The following RAPGEF5 variants were observed in gnomAD, a reference collection of about 807,000 sequenced individuals.
RAPGEF5 encodes the protein M-Ras-regulated GEF.
A neutral mutation model predicts 125.2 loss-of-function variants in RAPGEF5; 65 were observed. The ratio of observed to expected loss-of-function variants is 0.52; its 90% CI spans 0.43 to 0.64. The LOEUF (loss-of-function observed/expected upper bound fraction) is 0.64. RAPGEF5 is among the 30% of genes least tolerant of loss of function. The probability of loss-of-function intolerance (pLI) is 0.00; values close to 1 mark genes in which losing one functional copy is unlikely to be tolerated. For synonymous variants in RAPGEF5, 391 were observed against 385.9 expected (o/e 1.01, Z -0.16); for missense variants, 958 against 1,048.1 (o/e 0.91, Z 1.19).
chr7:22,205,529 T>C lies in RAPGEF5; in HGVS notation c.997-11496A>G, dbSNP rs1785378563. 3.3e-5 allele frequency among the ~76,000 whole-genome samples: 5 copies of C among 152,268 alleles called. 1 individual carries two copies. The South Asian group carries it at 1.0e-3, about 32-fold the overall frequency. ...TGGGGATAAAAGTTCAAATAAAATA[T>C]AGGCATGCTCTCAAAGAGTAAATTC... On this transcript the variant is annotated intron_variant, in intron 9 of 25. Coordinates refer to ENST00000665637, the MANE Select transcript of RAPGEF5 (RefSeq NM_012294.5).
chr7:22,350,007 T>C (rs1343949397), intron 1 of RAPGEF5, among the ~76,000 whole-genome samples: 1 of 152,240 alleles, frequency 6.6e-6, no homozygotes, highest in African/African-American at 2.4e-5. Flanking sequence ...TTTACCATAA[T>C]AATGATTTGC....
chr7:22,216,596 A>C (rs551205576), intron 9 of RAPGEF5, among the ~76,000 whole-genome samples: 57 of 152,330 alleles, frequency 3.7e-4, no homozygotes, highest in Admixed American at 2.4e-3. Flanking sequence ...CAATGCCTAC[A>C]TCAGAGATAA....
intron 7 of RAPGEF5, among the ~76,000 whole-genome samples, chr7:22,259,821 A>G (rs1335264603): frequency 1.3e-5 from 2 of 152,218 alleles, no homozygotes; most frequent in African/African-American, 4.8e-5. Context: ...GGTTGTCTCG[A>G]ACTCCTGACC....
intron 6 of RAPGEF5, among the ~76,000 whole-genome samples, chr7:22,275,812 T>A (rs1298252724): frequency 6.6e-6 from 1 of 152,134 alleles, no homozygotes; most frequent in Non-Finnish European, 1.5e-5. Context: ...CTCACAGAAA[T>A]AGAGGTGGTA....
intron 17 of RAPGEF5, among the ~76,000 whole-genome samples, chr7:22,151,146 T>C (rs1030491817): frequency 6.6e-6 from 1 of 152,206 alleles, no homozygotes; most frequent in Admixed American, 6.5e-5. Flanking sequence ...GATGGCATGA[T>C]GTGTGCTAAG....
chr7:22,210,507 A>C (rs1006232274), intron 9 of RAPGEF5, among the ~76,000 whole-genome samples: 2 of 152,154 alleles, frequency 1.3e-5, no homozygotes, highest in Non-Finnish European at 2.9e-5. Context: ...GATATGCTTT[A>C]TGACTCATTA....
chr7:22,247,099 G>A (rs1180312118), intron 7 of RAPGEF5, among the ~76,000 whole-genome samples: 2 of 152,230 alleles, frequency 1.3e-5, no homozygotes, highest in African/African-American at 4.8e-5. Flanking sequence ...CAAGACTGCA[G>A]AGAAAAGGGA....
At chr7:22,343,391 T>C (rs1217763696) in intron 1 of RAPGEF5, among the ~76,000 whole-genome samples, 2 of 152,296 alleles carry the variant, frequency 1.3e-5, no homozygotes, top group Admixed American at 6.5e-5. Flanking sequence ...TTTTTCCTCA[T>C]AGAGAATTTT....
intron 24 of RAPGEF5, among the ~76,000 whole-genome samples, chr7:22,127,314 C>T (rs1016535929): frequency 3.9e-5 from 6 of 152,164 alleles, no homozygotes; most frequent in Non-Finnish European, 8.8e-5. Context: ...GCTGGGATTA[C>T]AGGCATCAGC....
At chr7:22,165,470 T>C (rs1784133743) in intron 12 of RAPGEF5, among the ~76,000 whole-genome samples, 2 of 152,308 alleles carry the variant, frequency 1.3e-5, no homozygotes. Flanking sequence ...GTTCAAAATC[T>C]TATCGCTATT....
At chr7:22,136,592 A>G (rs1783085361) in intron 22 of RAPGEF5, among the ~76,000 whole-genome samples, 2 of 152,176 alleles carry the variant, frequency 1.3e-5, no homozygotes, top group African/African-American at 2.4e-5. Flanking sequence ...AATTGTAAAA[A>G]GGAGAAAAGG....
At chr7:22,242,392 G>A (rs1459301889) in intron 7 of RAPGEF5, among the ~76,000 whole-genome samples, 1 of 152,178 alleles carries the variant, frequency 6.6e-6, no homozygotes, top group East Asian at 1.9e-4. Context: ...CCTTACAAAA[G>A]GCAAAGGTCT....
In RAPGEF5 at chr7:22,356,948, G is replaced by A. The variant is rs981512693; in HGVS notation, c.113C>T (p.Ala38Val). 4 of 1,050,734 alleles carry A rather than the reference G, an allele frequency of 3.8e-6. No individual in the cohort carries two copies. Among genetic ancestry groups the A allele is most frequent in the East Asian group, 7.6e-5 (1 of 13,154 alleles). 65.1% of individuals were successfully genotyped at this position (1,050,734 alleles called of 1,614,324 possible). A position where few individuals can be genotyped will look rare whatever the true frequency, so the allele number is the denominator to read the frequency against. Residue 38 changes from alanine to valine, a missense_variant, in exon 1 of 26, where the codon GCC becomes GTC. Coordinates refer to ENST00000665637, the MANE Select transcript of RAPGEF5 (RefSeq NM_012294.5). ...CGGCTGCTCGCGCTCGGGCTCCCGG[G>A]CGCTGGGGCTGCGGCGCAGGGGGCC... is the stretch of plus-strand genomic sequence containing the variant. ...ADGPLRRSPSAREPEREQPPA... is the reference protein window; with the variant it reads ...ADGPLRRSPSVREPEREQPPA...
chr7:22,175,767 C>T (rs1448864573), intron 11 of RAPGEF5, among the ~76,000 whole-genome samples: 1 of 152,068 alleles, frequency 6.6e-6, no homozygotes, highest in Non-Finnish European at 1.5e-5. Context: ...AAATTAGAAG[C>T]CTGAGATATG....
intron 9 of RAPGEF5, among the ~76,000 whole-genome samples, chr7:22,200,721 G>T (rs973188986): frequency 1.3e-5 from 2 of 152,144 alleles, no homozygotes; most frequent in African/African-American, 4.8e-5. Flanking sequence ...GAGAAAAACT[G>T]TATGTATTCA....
chr7:22,344,456 G>A (rs959028564), intron 1 of RAPGEF5, among the ~76,000 whole-genome samples: 1 of 152,154 alleles, frequency 6.6e-6, no homozygotes, highest in African/African-American at 2.4e-5. Context: ...GAGAGGTGAC[G>A]CGATTGAGGA....
In RAPGEF5 at chr7:22,254,392, T is replaced by C. The variant is rs114654658; in HGVS notation, c.796+12572A>G. On this transcript the variant is annotated intron_variant, in intron 7 of 25. Coordinates refer to ENST00000665637, the MANE Select transcript of RAPGEF5 (RefSeq NM_012294.5). ...GGGAGGACGAGGCGGGCGGATCACC[T>C]GAGGTGGGATGTTTGAGACCAGCCT... Among the ~76,000 whole-genome samples the C allele has an allele frequency of 4.3e-3, 656 of 151,340 alleles. 6 individuals carry two copies. Among genetic ancestry groups the C allele is most frequent in the African/African-American group, 0.015 (615 of 41,244 alleles).
intron 6 of RAPGEF5, among the ~76,000 whole-genome samples, chr7:22,271,421 A>T (rs17774699): frequency 0.05 from 7,631 of 152,324 alleles, 282 homozygotes; most frequent in Non-Finnish European, 0.066. Flanking sequence ...TTTGTAAAGG[A>T]ACGTGGCCTT....
chr7:22,220,038 C>T, intron 8 of RAPGEF5, 47 bp from the exon 9 acceptor site: 1 of 1,601,638 alleles, frequency 6.2e-7, no homozygotes, highest in Non-Finnish European at 8.5e-7. Context: ...ACCACAGTCC[C>T]AGGACATGAC....
Sources: allele counts gnomAD v4.1 joint callset (sites outside exome capture counted in the v4.1 genomes callset), GRCh38; gene constraint gnomAD v4.1.1; transcripts MANE v1.5; gene names NCBI Gene and HGNC (gene_info 2026-07-23, HGNC 2026-07-21).